Variants in TMEM108 observed in about 807,000 individuals in gnomAD.
TMEM108 encodes cancer/testis antigen 124.
TMEM108 carries 12 observed loss-of-function variants against 35.1 expected under a neutral mutation model. The ratio of observed to expected loss-of-function variants is 0.34; its 90% CI spans 0.22 to 0.55. The LOEUF is 0.55. TMEM108 is among the 20% of genes least tolerant of loss of function. The pLI is 0.89. For synonymous variants in TMEM108, 287 were observed against 308.6 expected, an observed-to-expected ratio of 0.93 and a Z score of 0.73; for missense variants, 680 against 753.3, an observed-to-expected ratio of 0.90 and a Z score of 1.14.
intron 2 of TMEM108, among the ~76,000 whole-genome samples, chr3:133,109,171 C>G (rs992570859): frequency 6.6e-6 from 1 of 152,038 alleles, no homozygotes; most frequent in East Asian, 1.9e-4. Flanking sequence ...TCTCACTGTG[C>G]TCCTAACTAG....
At chr3:133,180,195 G>T (rs1355289726) in intron 2 of TMEM108, among the ~76,000 whole-genome samples, 1 of 151,820 alleles carries the variant, frequency 6.6e-6, no homozygotes, top group African/African-American at 2.4e-5. Context: ...TGGGGGAGAG[G>T]GACTAGAAAA....
At chr3:133,186,698 T>C (rs2107809760) in intron 2 of TMEM108, among the ~76,000 whole-genome samples, 1 of 152,362 alleles carries the variant, frequency 6.6e-6, no homozygotes, top group East Asian at 1.9e-4. Flanking sequence ...AATTTCCTTT[T>C]GATAAAACCT....
intron 2 of TMEM108, among the ~76,000 whole-genome samples, chr3:133,170,810 A>G (rs190715075): frequency 2.6e-4 from 39 of 152,342 alleles, no homozygotes; most frequent in Admixed American, 2.4e-3. Flanking sequence ...TCAAAAATAT[A>G]GGTATTGTTG....
At chr3:133,113,571 C>T (rs979563422) in intron 2 of TMEM108, among the ~76,000 whole-genome samples, 1 of 152,036 alleles carries the variant, frequency 6.6e-6, no homozygotes, top group Non-Finnish European at 1.5e-5. Context: ...CATGTAAAGT[C>T]CTCCTTCCAG....
At chr3:133,082,629 G>A (rs1282064175) in intron 2 of TMEM108, among the ~76,000 whole-genome samples, 2 of 151,976 alleles carry the variant, frequency 1.3e-5, no homozygotes, top group Admixed American at 6.6e-5. Flanking sequence ...TTTGCCAAGC[G>A]CTATTTTAAC....
chr3:133,126,931 T>C (rs1034290304), intron 2 of TMEM108, among the ~76,000 whole-genome samples: 2 of 152,246 alleles, frequency 1.3e-5, no homozygotes, highest in Admixed American at 1.3e-4. Flanking sequence ...TATTTAAAAA[T>C]ATTTTTACTG....
At chr3:133,114,565 C>G (rs1222027060) in intron 2 of TMEM108, among the ~76,000 whole-genome samples, 1 of 152,128 alleles carries the variant, frequency 6.6e-6, no homozygotes, top group Non-Finnish European at 1.5e-5. Flanking sequence ...TGTTGCTGCT[C>G]TCCTTTATGC....
At chr3:133,077,801 A>T (rs991842301) in intron 2 of TMEM108, among the ~76,000 whole-genome samples, 5 of 151,752 alleles carry the variant, frequency 3.3e-5, no homozygotes, top group Non-Finnish European at 7.4e-5. Flanking sequence ...TCGAGAAAGG[A>T]CTCTAATCTT....
At chr3:133,233,281 T>C (rs1332376857) in intron 3 of TMEM108, among the ~76,000 whole-genome samples, 1 of 152,126 alleles carries the variant, frequency 6.6e-6, no homozygotes, top group African/African-American at 2.4e-5. Flanking sequence ...TGAGTGAGAA[T>C]ATGCAGTGTT....
At chr3:133,099,091 T>C (rs1944053582) in intron 2 of TMEM108, among the ~76,000 whole-genome samples, 1 of 152,222 alleles carries the variant, frequency 6.6e-6, no homozygotes, top group African/African-American at 2.4e-5. Flanking sequence ...CCTGAGCATT[T>C]AGGCGTTTCC....
chr3:133,182,065 C>G (rs1002013543), intron 2 of TMEM108, among the ~76,000 whole-genome samples: 4 of 152,204 alleles, frequency 2.6e-5, no homozygotes, highest in African/African-American at 9.7e-5. Context: ...CCCTGTAGAT[C>G]TCAACCTGTC....
Position 133,380,645 on chromosome 3 carries a change from G to A in TMEM108, c.934G>A (p.Ala312Thr). The A allele has an allele frequency of 6.2e-7, 1 of 1,613,924 alleles. No homozygotes were observed. The highest frequency in any genetic ancestry group is 8.5e-7 in the Non-Finnish European group (1 of 1,179,950). ...CTCAGGTGCCCCTGTCAGTCCACAA[G>A]CTGCCCCAGTGCCTTCTCAGCGCCC... Reference protein sequence around the residue: ...AASGAPVSPQAAPVPSQRPHH... With the variant: ...AASGAPVSPQTAPVPSQRPHH... The change falls in exon 4 of 6, where the codon GCT (alanine) becomes ACT (threonine). Residue 312 changes from alanine (A) to threonine (T), a missense_variant. Physicochemically the swap from Ala to Thr is moderately conservative, Grantham distance 58. Around this residue, in one of 3 missense-constraint regions of TMEM108, gnomAD observed 526 missense variants for 532.1 expected, o/e 0.99. Transcript: ENST00000321871. The surrounding 1 kb of genome is among the most constrained non-coding windows in gnomAD (Gnocchi z 5.3).
chr3:133,049,454 CCT>C (rs1010716151), intron 2 of TMEM108, among the ~76,000 whole-genome samples: 4 of 152,062 alleles, frequency 2.6e-5, no homozygotes, highest in African/African-American at 9.7e-5. Context: ...TGTGAAGACC[CCT>C]GTTTGTCAGA....
intron 2 of TMEM108, among the ~76,000 whole-genome samples, chr3:133,083,799 G>A (rs1423722013): frequency 6.6e-6 from 1 of 152,052 alleles, no homozygotes; most frequent in African/African-American, 2.4e-5. Context: ...TGTAATTGGG[G>A]GGTGAAGGTG....
intron 2 of TMEM108, among the ~76,000 whole-genome samples, chr3:133,194,653 A>G (rs2107818740): frequency 6.6e-6 from 1 of 152,014 alleles, no homozygotes; most frequent in South Asian, 2.1e-4. Context: ...CAGAGAGGCT[A>G]CCTAGGTGTG....
At position 133,389,482 on chromosome 3, in the gene TMEM108, G is replaced by C. The variant is rs1018001437; in HGVS notation, c.1451-698G>C. The stretch of plus-strand genomic sequence containing the variant: ...GCGGATTACCTGAGGTCAGGAGTTC[G>C]AGACCAGCCTAACCAACATGGCAAA... On this transcript the variant is annotated intron_variant, in intron 4 of 5. Transcript: ENST00000321871. The C allele has an allele frequency of 1.4e-5, 11 of 772,780 alleles. No individual in the cohort carries two copies. The African/African-American group carries it at 1.5e-4, about 11-fold the overall frequency. 47.9% of individuals were successfully genotyped at this position (772,780 alleles called of 1,614,324 possible). A position where few individuals can be genotyped will look rare whatever the true frequency, so the allele number is the denominator to read the frequency against.
chr3:133,240,502 C>T (rs1056711918), intron 3 of TMEM108, among the ~76,000 whole-genome samples: 1 of 152,152 alleles, frequency 6.6e-6, no homozygotes, highest in African/African-American at 2.4e-5. Flanking sequence ...CATTCCATTA[C>T]ACTGTTGGCA....
At chr3:133,206,125 C>T (rs942737722) in intron 2 of TMEM108, among the ~76,000 whole-genome samples, 2 of 152,192 alleles carry the variant, frequency 1.3e-5, no homozygotes, top group African/African-American at 4.8e-5. Context: ...ACGAAGTTCT[C>T]GTGCTGTGTT....
chr3:133,290,307 G>C (rs1484898852), intron 3 of TMEM108, among the ~76,000 whole-genome samples: 1 of 152,134 alleles, frequency 6.6e-6, no homozygotes, highest in Non-Finnish European at 1.5e-5. Context: ...CCTTTTCTAT[G>C]AGACTTAGTT....
Sources: gnomAD v4.1 joint callset for allele counts (sites outside exome capture counted in the v4.1 genomes callset) on GRCh38, gnomAD v4.1.1 for gene constraint, gnomAD v4.1.1 regional missense constraint, Gnocchi (gnomAD v3.1) non-coding constraint, MANE v1.5 for transcripts, NCBI Gene and HGNC (gene_info 2026-07-23, HGNC 2026-07-21) for gene names.